The following FAM53B variants were observed in gnomAD, a reference collection of about 807,000 sequenced individuals.
FAM53B encodes family with sequence similarity 53 member B, also known as protein FAM53B.
Under a neutral mutation model 32.7 loss-of-function variants are expected in FAM53B, and 12 were observed. The ratio of observed to expected loss-of-function variants is 0.37; its 90% CI spans 0.24 to 0.59. FAM53B has a LOEUF of 0.59. Ranked by LOEUF, FAM53B falls within the 20% of genes least tolerant of loss-of-function variation. FAM53B has a pLI of 0.72. For synonymous variants in FAM53B, 234 were observed against 228.7 expected, an observed-to-expected ratio of 1.02 and a Z score of -0.21; for missense variants, 477 against 577.7, an observed-to-expected ratio of 0.83 and a Z score of 1.79.
At chr10:124,701,200 A>T (rs1315494507) in intron 2 of FAM53B, among the ~76,000 whole-genome samples, 1 of 152,246 alleles carries the variant, frequency 6.6e-6, no homozygotes, top group Non-Finnish European at 1.5e-5. Flanking sequence ...TGTTGAGCTC[A>T]AAGTGCCAAC....
At chr10:124,718,967 G>A (rs1430705502) in intron 1 of FAM53B, among the ~76,000 whole-genome samples, 1 of 152,062 alleles carries the variant, frequency 6.6e-6, no homozygotes, top group Non-Finnish European at 1.5e-5. Flanking sequence ...AGCCAGGAAG[G>A]TCAAGGCTGC....
chr10:124,739,920 A>T (rs180963388), intron 1 of FAM53B, among the ~76,000 whole-genome samples: 12 of 152,096 alleles, frequency 7.9e-5, no homozygotes, highest in African/African-American at 2.9e-4. Flanking sequence ...ACCCATCAGC[A>T]TTTCCCCCTC....
chr10:124,702,469 C>A (rs768070016), intron 2 of FAM53B, among the ~76,000 whole-genome samples: 1 of 152,208 alleles, frequency 6.6e-6, no homozygotes, highest in Non-Finnish European at 1.5e-5. Flanking sequence ...TTCAGTATTT[C>A]TTCAGTTATT....
At chr10:124,662,414 T>C (rs111653692) in intron 4 of FAM53B, among the ~76,000 whole-genome samples, 3 of 152,212 alleles carry the variant, frequency 2.0e-5, no homozygotes, top group African/African-American at 7.2e-5. Context: ...GTGAGTTCGT[T>C]CGTCCGTCCA....
At chr10:124,740,255 A>G (rs1360813549) in intron 1 of FAM53B, among the ~76,000 whole-genome samples, 3 of 152,208 alleles carry the variant, frequency 2.0e-5, no homozygotes, top group Admixed American at 6.5e-5. Flanking sequence ...AACCCGCAAT[A>G]CACGAAGCCC....
At chr10:124,626,388 G>GCCCCCCCC (rs34542605) in intron 4 of FAM53B, among the ~76,000 whole-genome samples, 29 of 101,764 alleles carry the variant, frequency 2.8e-4, no homozygotes, top group South Asian at 7.2e-4. Context: ...CGAAATTTGT[G>GCCCCCCCC]CCCCCCCCCC....
intron 1 of FAM53B, among the ~76,000 whole-genome samples, chr10:124,728,098 T>C (rs1360630953): frequency 1.3e-5 from 2 of 152,200 alleles, no homozygotes; most frequent in Admixed American, 6.5e-5. Flanking sequence ...AAGATCTCCA[T>C]GGACTCGCTT....
chr10:124,650,787 G>A (rs1218911266), intron 4 of FAM53B, among the ~76,000 whole-genome samples: 1 of 152,074 alleles, frequency 6.6e-6, no homozygotes, highest in African/African-American at 2.4e-5. Flanking sequence ...GCCCTGCTAG[G>A]AGGCCAATAT....
intron 4 of FAM53B, among the ~76,000 whole-genome samples, chr10:124,625,100 G>A (rs532020953): frequency 8.2e-4 from 125 of 152,374 alleles, no homozygotes; most frequent in African/African-American, 2.8e-3. Context: ...TTCAAAGGCT[G>A]CAGTGTTTGT....
chr10:124,640,730 G>T (rs994775150), intron 4 of FAM53B, among the ~76,000 whole-genome samples: 2 of 152,218 alleles, frequency 1.3e-5, no homozygotes, highest in Non-Finnish European at 2.9e-5. Flanking sequence ...TCAGAGGTTT[G>T]GTGAGGCCAC....
At chr10:124,695,679 T>C (rs1279942820) in intron 3 of FAM53B, among the ~76,000 whole-genome samples, 1 of 152,166 alleles carries the variant, frequency 6.6e-6, no homozygotes, top group East Asian at 1.9e-4. Flanking sequence ...TTAAAATGCA[T>C]GGAATGAACA....
intron 3 of FAM53B, among the ~76,000 whole-genome samples, chr10:124,685,270 C>T (rs149537241): frequency 1.0e-3 from 155 of 152,264 alleles, no homozygotes; most frequent in South Asian, 4.1e-3. Context: ...CTATAGTCTC[C>T]AAATGTCCTA....
intron 1 of FAM53B, among the ~76,000 whole-genome samples, chr10:124,715,684 G>A (rs1341091468): frequency 6.6e-6 from 1 of 152,234 alleles, no homozygotes; most frequent in Non-Finnish European, 1.5e-5. Context: ...CACAGCAAGA[G>A]CACTGAACTT....
At chr10:124,717,102 C>G (rs1029972392) in intron 1 of FAM53B, among the ~76,000 whole-genome samples, 1 of 152,148 alleles carries the variant, frequency 6.6e-6, no homozygotes, top group East Asian at 1.9e-4. Flanking sequence ...CTAGGTGGAT[C>G]AAGCAGGACT....
intron 4 of FAM53B, among the ~76,000 whole-genome samples, chr10:124,637,583 A>T (rs1949441603): frequency 6.6e-6 from 1 of 152,130 alleles, no homozygotes; most frequent in Non-Finnish European, 1.5e-5. Context: ...GTCCCTGCTG[A>T]TGTCCCACGC....
chr10:124,729,384 T>C (rs1950126963), intron 1 of FAM53B, among the ~76,000 whole-genome samples: 1 of 152,174 alleles, frequency 6.6e-6, no homozygotes, highest in Admixed American at 6.5e-5. Context: ...CTTTTCCCTT[T>C]TAAAGCATGT....
chr10:124,647,222 A>T (rs1325694218), intron 4 of FAM53B, among the ~76,000 whole-genome samples: 1 of 152,164 alleles, frequency 6.6e-6, no homozygotes. Flanking sequence ...TGAAGCTCTC[A>T]AGTTTATTAC....
chr10:124,698,888 C>T, intron 2 of FAM53B, among the ~76,000 whole-genome samples: 1 of 152,242 alleles, frequency 6.6e-6, no homozygotes, highest in Non-Finnish European at 1.5e-5. Context: ...CTCTCCTCCA[C>T]AGCCTACAGG....
chr10:124,674,344 G>A (rs1358908049), intron 4 of FAM53B, among the ~76,000 whole-genome samples: 1 of 152,208 alleles, frequency 6.6e-6, no homozygotes, highest in Admixed American at 6.5e-5. Flanking sequence ...AACTTTTACT[G>A]AGCACGTGTC....
Sources: gnomAD v4.1 joint callset for allele counts (sites outside exome capture counted in the v4.1 genomes callset) on GRCh38, gnomAD v4.1.1 for gene constraint, MANE v1.5 for transcripts, NCBI Gene and HGNC (gene_info 2026-07-23, HGNC 2026-07-21) for gene names.